SBF2: variants seen among roughly 807,000 people sequenced by gnomAD.
SBF2 encodes the protein myotubularin-related protein 13.
A neutral mutation model predicts 225.2 loss-of-function variants in SBF2; 112 were observed. That is an observed-to-expected ratio of 0.50 (90% CI 0.43 to 0.58). The LOEUF (loss-of-function observed/expected upper bound fraction) is 0.58, where lower values mean the gene tolerates loss of function less well. SBF2 is among the 20% of genes least tolerant of loss of function. The probability of loss-of-function intolerance (pLI) is 0.00; values close to 1 mark genes in which losing one functional copy is unlikely to be tolerated. For synonymous variants in SBF2, 763 were observed against 773.3 expected, an observed-to-expected ratio of 0.99 and a Z score of 0.22; for missense variants, 1,996 against 2,206.2, an observed-to-expected ratio of 0.90 and a Z score of 1.91.
intron 19 of SBF2, among the ~76,000 whole-genome samples, chr11:9,854,158 G>A (rs188290057): frequency 3.9e-5 from 6 of 152,278 alleles, no homozygotes; most frequent in Admixed American, 2.6e-4. Context: ...ATGTTCCCTG[G>A]TAGGCAAAGT....
intron 2 of SBF2, among the ~76,000 whole-genome samples, chr11:10,100,307 C>T (rs1205552012): frequency 6.6e-6 from 1 of 152,208 alleles, no homozygotes; most frequent in Non-Finnish European, 1.5e-5. Flanking sequence ...CAGGGTGAAC[C>T]TGTTGGGCAG....
At chr11:10,114,219 A>C (rs1434191171) in intron 2 of SBF2, among the ~76,000 whole-genome samples, 1 of 152,196 alleles carries the variant, frequency 6.6e-6, no homozygotes, top group Non-Finnish European at 1.5e-5. Context: ...GATATAACAT[A>C]ATAAGTGCTC....
intron 2 of SBF2, among the ~76,000 whole-genome samples, chr11:10,093,912 A>T (rs900297539): frequency 6.6e-6 from 1 of 152,264 alleles, no homozygotes; most frequent in African/African-American, 2.4e-5. Flanking sequence ...AGTTTAGACA[A>T]TCCCATTCAG....
At chr11:9,879,904 C>T (rs1161681537) in intron 17 of SBF2, among the ~76,000 whole-genome samples, 1 of 151,704 alleles carries the variant, frequency 6.6e-6, no homozygotes, top group African/African-American at 2.4e-5. Flanking sequence ...GCCAATGTGG[C>T]AAAACTCCGT....
At chr11:9,910,202 T>C (rs1022103019) in intron 16 of SBF2, among the ~76,000 whole-genome samples, 52 of 152,236 alleles carry the variant, frequency 3.4e-4, no homozygotes, top group African/African-American at 1.1e-3. Flanking sequence ...GGTGGTCACA[T>C]ATGACTATAA....
intron 2 of SBF2, among the ~76,000 whole-genome samples, chr11:10,055,380 C>G (rs1950215416): frequency 6.6e-6 from 1 of 152,120 alleles, no homozygotes; most frequent in African/African-American, 2.4e-5. Flanking sequence ...AATCCCACTA[C>G]TGGGTGTCTT....
chr11:9,847,153 C>T (rs1446289694), intron 22 of SBF2, 70 bp from the exon 23 acceptor site: 2 of 1,560,948 alleles, frequency 1.3e-6, no homozygotes, highest in African/African-American at 2.7e-5. Flanking sequence ...CTACTGCTTA[C>T]TTCATCAGTC....
chr11:10,226,106 T>G (rs978624772), intron 1 of SBF2, among the ~76,000 whole-genome samples: 1 of 152,138 alleles, frequency 6.6e-6, no homozygotes, highest in Non-Finnish European at 1.5e-5. Flanking sequence ...ATTTTTAAAA[T>G]AAATTATGGC....
At chr11:9,990,637 C>A (rs890417244) in intron 12 of SBF2, among the ~76,000 whole-genome samples, 20 of 152,180 alleles carry the variant, frequency 1.3e-4, no homozygotes, top group Non-Finnish European at 7.3e-5. Flanking sequence ...AAAGTCACCA[C>A]TGTAGGCCAA....
intron 2 of SBF2, among the ~76,000 whole-genome samples, chr11:10,088,337 T>C (rs1033056819): frequency 1.3e-5 from 2 of 152,176 alleles, no homozygotes; most frequent in Non-Finnish European, 2.9e-5. Context: ...CTGCAAACTT[T>C]ACAGCAAGAG....
At chr11:9,942,127 G>A (rs554850159) in intron 16 of SBF2, among the ~76,000 whole-genome samples, 107 of 152,206 alleles carry the variant, frequency 7.0e-4, no homozygotes, top group Middle Eastern at 3.4e-3. Context: ...GCTGGAGTGC[G>A]GTGGCACAAT....
chr11:9,909,468 G>A (rs906728757), intron 16 of SBF2, among the ~76,000 whole-genome samples: 8 of 151,920 alleles, frequency 5.3e-5, no homozygotes, highest in African/African-American at 7.3e-5. Flanking sequence ...TCAGGAGATC[G>A]AGACCATCCT....
Position 9,808,943 on chromosome 11 carries a change from T to G in SBF2, c.4215A>C (p.Ser1405=). The G allele has an allele frequency of 6.2e-7, 1 of 1,614,104 alleles. No individual in the cohort carries two copies. Among genetic ancestry groups the G allele is most frequent in the Non-Finnish European group, 8.5e-7 (1 of 1,179,956 alleles). The change falls in exon 31 of 40, where the codon TCA becomes TCC. Residue 1405 remains serine, a synonymous_variant. Coordinates refer to ENST00000256190, the MANE Select transcript of SBF2 (RefSeq NM_030962.4). ...VVSEVLENGS[S]VLVCLEEGWD... is the part of the protein sequence containing the mutation. ...AGCCTTCCTCCAAACAGACCAAAAC[T>G]GAGGAACCATTCTCAAGTACTTCTG...
At chr11:9,987,638 G>T (rs192496985) in intron 13 of SBF2, among the ~76,000 whole-genome samples, 48 of 152,100 alleles carry the variant, frequency 3.2e-4, no homozygotes, top group Non-Finnish European at 5.9e-4. Context: ...ACCAAGCAGA[G>T]AACCAAATCA....
chr11:10,272,332 A>G lies in SBF2; in HGVS notation c.55+21683T>C. 3 of 703,280 alleles carry G rather than the reference A, an allele frequency of 4.3e-6. 1 individual carries two copies. In the East Asian group the frequency reaches 8.9e-5, roughly 21 times the overall value. The allele number at this position is 703,280 out of a possible 1,614,324, so 43.6% of individuals were successfully genotyped here. A position where few individuals can be genotyped will look rare whatever the true frequency, so the allele number is the denominator to read the frequency against. On this transcript the variant is annotated intron_variant, in intron 1 of 39. Transcript: ENST00000256190. ...GGAGAATGACAAGTCGTTCACTGTAACTAAGGCTTACTTACTTGCTAGTTA... is the reference window on the plus strand; with the variant it reads ...GGAGAATGACAAGTCGTTCACTGTAGCTAAGGCTTACTTACTTGCTAGTTA...
At position 9,887,166 on chromosome 11, in the gene SBF2, T is replaced by C. The variant is rs148430565; in HGVS notation, c.1929+8777A>G. ...TTGTCCATCACATGAAAAAAGTTAA[T>C]TATCATTCAAAAAAAGTTGATAAGT... On this transcript the variant is annotated intron_variant, in intron 17 of 39. Coordinates refer to ENST00000256190, the MANE Select transcript of SBF2 (RefSeq NM_030962.4). Among the ~76,000 whole-genome samples the C allele has an allele frequency of 2.7e-3, 417 of 152,010 alleles. 10 individuals are homozygous for C. The South Asian group carries it at 0.037, about 14-fold the overall frequency.
rs142097266 is a variant in SBF2, at chr11:10,183,977, C to T, written c.141+9925G>A. On this transcript the variant is annotated intron_variant, in intron 2 of 39. Transcript: ENST00000256190. Reference sequence around the variant, plus strand: ...ATAATTTAGTGTATATTTTCAAAAACTTAGAAGATTCTGAACGTTCACAAC... The same window carrying T: ...ATAATTTAGTGTATATTTTCAAAAATTTAGAAGATTCTGAACGTTCACAAC... Among the ~76,000 whole-genome samples the T allele has an allele frequency of 2.0e-5, 3 of 152,238 alleles. No homozygotes were observed. The East Asian group carries it at 5.8e-4, about 29-fold the overall frequency.
intron 23 of SBF2, 59 bp from the exon 24 acceptor site, chr11:9,845,799 C>A: frequency 6.0e-6 from 9 of 1,508,826 alleles, no homozygotes; most frequent in Admixed American, 1.7e-5. Flanking sequence ...GCAACTTTCC[C>A]CCAAACAACA....
chr11:10,274,716 A>G (rs1313014153), intron 1 of SBF2, among the ~76,000 whole-genome samples: 1 of 148,598 alleles, frequency 6.7e-6, no homozygotes, highest in Non-Finnish European at 1.5e-5. Context: ...GTGCCACTGC[A>G]CTCCAGCCTG....
Sources: gnomAD v4.1 joint callset for allele counts (sites outside exome capture counted in the v4.1 genomes callset) on GRCh38, gnomAD v4.1.1 for gene constraint, MANE v1.5 for transcripts, NCBI Gene and HGNC (gene_info 2026-07-23, HGNC 2026-07-21) for gene names.